ARHGAP42: variants seen among roughly 807,000 people sequenced by gnomAD.
The protein encoded by ARHGAP42 is rho GTPase-activating protein 42.
Under a neutral mutation model 125.0 loss-of-function variants are expected in ARHGAP42, and 63 were observed. That is an observed-to-expected ratio of 0.50 (90% CI 0.41 to 0.62). The LOEUF is 0.62. Among genes scored for constraint, ARHGAP42 ranks in the 20% least tolerant of loss-of-function variants. ARHGAP42 has a pLI of 0.00. For missense variants in ARHGAP42, 766 were observed against 1,024.2 expected (o/e 0.75, Z 3.44); for synonymous variants, 339 against 351.0 (o/e 0.97, Z 0.38).
At chr11:100,886,746 T>G (rs1254486814) in intron 4 of ARHGAP42, among the ~76,000 whole-genome samples, 2 of 152,208 alleles carry the variant, frequency 1.3e-5, no homozygotes, top group Non-Finnish European at 2.9e-5. Context: ...AAGGCCAAAT[T>G]AACAATAAGA....
At chr11:100,696,094 C>T (rs533991493) in intron 1 of ARHGAP42, among the ~76,000 whole-genome samples, 188 of 152,088 alleles carry the variant, frequency 1.2e-3, no homozygotes, top group African/African-American at 4.4e-3. Flanking sequence ...TGTAGTGATG[C>T]GTGCCTGTAG....
intron 6 of ARHGAP42, 30 bp downstream of exon 6, chr11:100,921,634 G>A: frequency 7.5e-7 from 1 of 1,326,742 alleles, no homozygotes; most frequent in Non-Finnish European, 1.0e-6. Context: ...ATAAATGGTG[G>A]GCTCAAAACA....
At chr11:100,950,425 TC>T (rs1446492344) in intron 12 of ARHGAP42, among the ~76,000 whole-genome samples, 1 of 150,890 alleles carries the variant, frequency 6.6e-6, no homozygotes, top group African/African-American at 2.4e-5. Context: ...TTTTCTCTGC[TC>T]CAGTTTTCTT....
chr11:100,892,511 G>T (rs1943499), intron 4 of ARHGAP42, among the ~76,000 whole-genome samples: 7,923 of 152,082 alleles, frequency 0.052, 382 homozygotes, highest in East Asian at 0.25. Flanking sequence ...AAATCTGGTG[G>T]GTTAGGTCTG....
At chr11:100,872,720 C>T (rs563191455) in intron 4 of ARHGAP42, among the ~76,000 whole-genome samples, 80 of 152,240 alleles carry the variant, frequency 5.3e-4, no homozygotes, top group Middle Eastern at 6.8e-3. Flanking sequence ...TGGACAGGAT[C>T]TGCCCTTCTA....
At chr11:100,987,828 A>AATAAATAT in intron 23 of ARHGAP42, among the ~76,000 whole-genome samples, 1 of 151,568 alleles carries the variant, frequency 6.6e-6, no homozygotes, top group South Asian at 2.1e-4. Flanking sequence ...TAAATAAATA[A>AATAAATAT]ATAAATAAAT....
chr11:100,734,996 A>G (rs1769692710), intron 1 of ARHGAP42, among the ~76,000 whole-genome samples: 1 of 151,224 alleles, frequency 6.6e-6, no homozygotes, highest in African/African-American at 2.5e-5. Flanking sequence ...AACAACTACA[A>G]CAACAAAACA....
intron 3 of ARHGAP42, among the ~76,000 whole-genome samples, chr11:100,801,931 G>A (rs911134314): frequency 2.6e-5 from 4 of 152,114 alleles, no homozygotes; most frequent in African/African-American, 7.2e-5. Flanking sequence ...ATCTGGTATC[G>A]ATTATTGATA....
intron 6 of ARHGAP42, among the ~76,000 whole-genome samples, chr11:100,926,637 G>C (rs921317168): frequency 6.6e-6 from 1 of 152,172 alleles, no homozygotes. Flanking sequence ...CTCTGCCTCA[G>C]GTTTTTATCT....
At chr11:100,922,615 A>G (rs374427142) in intron 6 of ARHGAP42, among the ~76,000 whole-genome samples, 11 of 152,246 alleles carry the variant, frequency 7.2e-5, no homozygotes, top group Admixed American at 5.2e-4. Flanking sequence ...TCATAATAAA[A>G]AATAAAATAC....
In ARHGAP42 at chr11:100,992,614, C is replaced by G. The variant is rs773546322; in HGVS notation, c.*3813C>G. 3.1e-6 allele frequency: 5 copies of G among 1,613,870 alleles called. No homozygotes were observed. The African/African-American group carries it at 4.0e-5, about 13-fold the overall frequency. On this transcript the variant is annotated 3_prime_UTR_variant, in exon 24 of 24. Transcript: ENST00000298815. ...ATTTCCTGAACACATTCACTGTATC[C>G]CTCATTGTCACCGTTATCCCCCTGC... is the stretch of plus-strand genomic sequence containing the variant.
intron 4 of ARHGAP42, among the ~76,000 whole-genome samples, chr11:100,903,746 ATATATATATG>A (rs1382120091): frequency 6.6e-5 from 8 of 121,496 alleles, no homozygotes; most frequent in African/African-American, 1.9e-4. Context: ...ATATATATAT[ATATATATATG>A]TATGTAAAGG....
At chr11:100,811,503 CT>C (rs1223541048) in intron 3 of ARHGAP42, among the ~76,000 whole-genome samples, 76 of 30,076 alleles carry the variant, frequency 2.5e-3, no homozygotes, top group Admixed American at 3.2e-3. Flanking sequence ...TCTTGACTTT[CT>C]TTTTTTTTTT....
chr11:100,866,828 A>T (rs1030469093), intron 4 of ARHGAP42, among the ~76,000 whole-genome samples: 4 of 152,160 alleles, frequency 2.6e-5, no homozygotes, highest in Non-Finnish European at 5.9e-5. Context: ...GAGCCAAACC[A>T]TATCAGTTAT....
At chr11:100,931,916 G>C (rs1867592462) in intron 6 of ARHGAP42, among the ~76,000 whole-genome samples, 1 of 152,218 alleles carries the variant, frequency 6.6e-6, no homozygotes, top group Non-Finnish European at 1.5e-5. Context: ...TTGATAATAA[G>C]TATTAGTTGA....
intron 3 of ARHGAP42, among the ~76,000 whole-genome samples, chr11:100,809,735 G>A (rs183441272): frequency 7.0e-4 from 106 of 152,192 alleles, no homozygotes; most frequent in African/African-American, 2.2e-3. Flanking sequence ...TGGGTGGATC[G>A]CATGAGCCCA....
At chr11:100,872,661 G>C (rs567226247) in intron 4 of ARHGAP42, among the ~76,000 whole-genome samples, 7 of 152,138 alleles carry the variant, frequency 4.6e-5, no homozygotes, top group African/African-American at 9.7e-5. Flanking sequence ...CCAAAGTGCT[G>C]AGATTAATGA....
intron 3 of ARHGAP42, among the ~76,000 whole-genome samples, chr11:100,815,592 A>G (rs1226450249): frequency 2.0e-5 from 3 of 152,206 alleles, no homozygotes; most frequent in Non-Finnish European, 2.9e-5. Context: ...AATGAGTCCA[A>G]TTAGAGAATA....
intron 7 of ARHGAP42, among the ~76,000 whole-genome samples, chr11:100,935,677 CAG>C (rs71053162): frequency 2.7e-5 from 4 of 146,572 alleles, no homozygotes; most frequent in African/African-American, 7.7e-5. Context: ...CACACACACA[CAG>C]AGAGAGAGAG....
Sources: gnomAD v4.1 joint callset for allele counts (sites outside exome capture counted in the v4.1 genomes callset) on GRCh38, gnomAD v4.1.1 for gene constraint, MANE v1.5 for transcripts, NCBI Gene and HGNC (gene_info 2026-07-23, HGNC 2026-07-21) for gene names.